Variants in RBFOX2 observed in about 807,000 individuals in gnomAD.
RBFOX2 encodes RNA binding fox-1 homolog 2.
RBFOX2 carries 10 observed loss-of-function variants against 49.1 expected under a neutral mutation model. The observed-to-expected ratio is 0.20, with a 90% CI of 0.13 to 0.35. The LOEUF (loss-of-function observed/expected upper bound fraction) is 0.35, where lower values mean the gene tolerates loss of function less well. Ranked by LOEUF, RBFOX2 falls within the 10% of genes least tolerant of loss-of-function variation. RBFOX2 has a pLI of 1.00. For synonymous variants in RBFOX2, 183 were observed against 187.4 expected, an observed-to-expected ratio of 0.98 and a Z score of 0.19; for missense variants, 323 against 486.9, an observed-to-expected ratio of 0.66 and a Z score of 3.17.
At position 35,789,534 on chromosome 22, in the gene RBFOX2, C is replaced by CTCCA. The variant is rs745671584; in HGVS notation, c.253-7792_253-7789dup. On this transcript the variant is annotated intron_variant, in intron 2 of 11. Coordinates refer to ENST00000405409, the Ensembl canonical transcript of RBFOX2. ...CTCTAGCCTAGGCCACAGAGCAAGA[C>CTCCA]TCCATCTCAAAAAAAAAGAAAAAGA... Among the ~76,000 whole-genome samples, 2 of 152,108 alleles carry CTCCA rather than the reference C, an allele frequency of 1.3e-5. 1 individual carries two copies. Among genetic ancestry groups the CTCCA allele is most frequent in the South Asian group, 4.2e-4 (2 of 4,814 alleles).
intron 1 of RBFOX2, among the ~76,000 whole-genome samples, chr22:35,945,111 A>G (rs1012132797): frequency 1.3e-5 from 2 of 152,186 alleles, no homozygotes; most frequent in Non-Finnish European, 2.9e-5. Context: ...AAGATACAAA[A>G]TGAAGCTGTC....
intron 1 of RBFOX2, among the ~76,000 whole-genome samples, chr22:35,851,830 C>CAA (rs767671559): frequency 3.5e-5 from 4 of 113,180 alleles, no homozygotes; most frequent in Admixed American, 9.1e-5. Flanking sequence ...AACTCCATCT[C>CAA]AAAAAAAAAA....
At chr22:36,028,265 G>A (rs778265520) in exon 1 of RBFOX2, 6 of 1,530,788 alleles carry the variant, frequency 3.9e-6, no homozygotes, top group East Asian at 5.3e-5. Flanking sequence ...ACCGTCGGCC[G>A]CCGCCTCCTC....
At chr22:35,900,392 T>C (rs1286654723) in intron 1 of RBFOX2, among the ~76,000 whole-genome samples, 1 of 151,808 alleles carries the variant, frequency 6.6e-6, no homozygotes, top group African/African-American at 2.4e-5. Context: ...GAAGTAGGTA[T>C]ACCGGGGGAG....
chr22:35,765,347 A>G, intron 6 of RBFOX2, 76 bp downstream of exon 7: 1 of 1,039,096 alleles, frequency 9.6e-7, no homozygotes, highest in African/African-American at 1.7e-5. Context: ...GGAAATAAAG[A>G]CATTCTTAGA....
chr22:35,742,717 A>G (rs909518833), exon 12 of RBFOX2: 1 of 152,546 alleles, frequency 6.6e-6, no homozygotes, highest in Non-Finnish European at 1.5e-5. Flanking sequence ...TCCTACCTTG[A>G]TAACATAGAA....
At chr22:35,754,294 T>C (rs1206276386) in intron 9 of RBFOX2, among the ~76,000 whole-genome samples, 1 of 151,918 alleles carries the variant, frequency 6.6e-6, no homozygotes, top group African/African-American at 2.4e-5. Context: ...GGTTTCACCA[T>C]GTTAGCCAGG....
chr22:35,943,238 T>C (rs2053896089), upstream of RBFOX2, among the ~76,000 whole-genome samples: 1 of 152,246 alleles, frequency 6.6e-6, no homozygotes, highest in Non-Finnish European at 1.5e-5. Flanking sequence ...GATTATCTAA[T>C]GATATGCAAG....
intron 1 of RBFOX2, among the ~76,000 whole-genome samples, chr22:36,003,462 T>G (rs1364605890): frequency 6.6e-6 from 1 of 152,246 alleles, no homozygotes; most frequent in East Asian, 1.9e-4. Flanking sequence ...GGGAAAAAAT[T>G]AGATGTAGGG....
At chr22:35,805,868 G>A (rs1231605673) in intron 2 of RBFOX2, among the ~76,000 whole-genome samples, 1 of 152,080 alleles carries the variant, frequency 6.6e-6, no homozygotes, top group Non-Finnish European at 1.5e-5. Context: ...AGTGAAAGAA[G>A]CCAATCAGAA....
At chr22:35,799,083 TA>T (rs1422967167) in intron 2 of RBFOX2, among the ~76,000 whole-genome samples, 1 of 152,210 alleles carries the variant, frequency 6.6e-6, no homozygotes, top group Non-Finnish European at 1.5e-5. Flanking sequence ...GTATCCATAA[TA>T]TACCAATAGA....
At chr22:36,014,617 C>T (rs891861335) in intron 1 of RBFOX2, among the ~76,000 whole-genome samples, 5 of 152,012 alleles carry the variant, frequency 3.3e-5, no homozygotes, top group African/African-American at 4.8e-5. Context: ...GTAAATGATA[C>T]CTACACCAAA....
chr22:35,851,040 G>A (rs1438516519), intron 1 of RBFOX2, among the ~76,000 whole-genome samples: 3 of 152,162 alleles, frequency 2.0e-5, no homozygotes, highest in Non-Finnish European at 4.4e-5. Context: ...GCAACTGTGA[G>A]GGCATCTGTG....
In RBFOX2 at chr22:35,789,864, AG is replaced by A. The variant is rs146798384; in HGVS notation, c.253-8119del. On this transcript the variant is annotated intron_variant, in intron 2 of 11. Coordinates refer to ENST00000405409, the Ensembl canonical transcript of RBFOX2. Reference sequence around the variant, plus strand: ...CCTAGTAATCATTGGTTGTCTATTCAGGACTTAAGAGTTGAGGGGGTAGGTG... The same window carrying A: ...CCTAGTAATCATTGGTTGTCTATTCAGACTTAAGAGTTGAGGGGGTAGGTG... Among the ~76,000 whole-genome samples the A allele has an allele frequency of 1.9e-3, 289 of 152,280 alleles. 3 individuals carry two copies. Among genetic ancestry groups the A allele is most frequent in the African/African-American group, 6.5e-3 (271 of 41,560 alleles).
At chr22:35,908,315 A>G (rs993144346) in intron 1 of RBFOX2, among the ~76,000 whole-genome samples, 2 of 152,344 alleles carry the variant, frequency 1.3e-5, no homozygotes, top group Non-Finnish European at 2.9e-5. Context: ...TAAACTCATC[A>G]TAAGTTGAAA....
intron 1 of RBFOX2, among the ~76,000 whole-genome samples, chr22:35,908,844 ATT>A (rs555305648): frequency 1.4e-4 from 19 of 137,630 alleles, no homozygotes; most frequent in Admixed American, 3.7e-4. Flanking sequence ...TTTCTCATCT[ATT>A]TTTTTTTTTT....
At chr22:35,984,956 C>T (rs1042806019) in intron 1 of RBFOX2, among the ~76,000 whole-genome samples, 1 of 152,226 alleles carries the variant, frequency 6.6e-6, no homozygotes, top group African/African-American at 2.4e-5. Flanking sequence ...CAGTCACTGG[C>T]TTCACAGTGC....
chr22:35,933,745 TAA>T (rs1396829352), intron 1 of RBFOX2, among the ~76,000 whole-genome samples: 17 of 151,980 alleles, frequency 1.1e-4, no homozygotes, highest in African/African-American at 3.4e-4. Flanking sequence ...TTCCCAAGTC[TAA>T]TAAAGGGACG....
At chr22:35,830,339 G>A (rs1247457167) in intron 1 of RBFOX2, among the ~76,000 whole-genome samples, 6 of 152,258 alleles carry the variant, frequency 3.9e-5, no homozygotes, top group Non-Finnish European at 8.8e-5. Context: ...AGGGACAACT[G>A]TGTGAGACAG....
Sources: allele counts gnomAD v4.1 joint callset (sites outside exome capture counted in the v4.1 genomes callset), GRCh38; gene constraint gnomAD v4.1.1; transcripts MANE v1.5; gene names NCBI Gene and HGNC (gene_info 2026-07-23, HGNC 2026-07-21).